Variants in CYRIB observed in about 807,000 individuals in gnomAD.
CYRIB encodes the protein CYFIP related Rac1 interactor B, also known as CYFIP-related Rac1 interactor B.
In CYRIB, 8 loss-of-function variants were observed where a neutral mutation model predicts 44.2. The ratio of observed to expected loss-of-function variants is 0.18; its 90% confidence interval spans 0.11 to 0.33. The LOEUF (loss-of-function observed/expected upper bound fraction) is 0.33. Among genes scored for constraint, CYRIB ranks in the 10% least tolerant of loss-of-function variants. The probability of loss-of-function intolerance (pLI) is 1.00; values close to 1 mark genes in which losing one functional copy is unlikely to be tolerated. For missense variants in CYRIB, 185 were observed against 382.8 expected, an observed-to-expected ratio of 0.48 and a Z score of 4.31; for synonymous variants, 131 against 127.2, an observed-to-expected ratio of 1.03 and a Z score of -0.20.
At chr8:130,000,882 A>AT (rs1280245495) in intron 1 of CYRIB, among the ~76,000 whole-genome samples, 1 of 152,086 alleles carries the variant, frequency 6.6e-6, no homozygotes, top group Non-Finnish European at 1.5e-5. Flanking sequence ...AGAAAAAAAA[A>AT]ATCTAATAAT....
chr8:129,939,004 T>C (rs2093307508), intron 1 of CYRIB, among the ~76,000 whole-genome samples: 1 of 152,214 alleles, frequency 6.6e-6, no homozygotes, highest in African/African-American at 2.4e-5. Flanking sequence ...TAAACGCTGA[T>C]CATTAATTAA....
At chr8:129,892,826 C>T (rs922925475) in intron 2 of CYRIB, among the ~76,000 whole-genome samples, 1 of 152,094 alleles carries the variant, frequency 6.6e-6, no homozygotes, top group African/African-American at 2.4e-5. Flanking sequence ...ATAATGCTAT[C>T]GGCAAACTGT....
At chr8:129,992,520 T>A (rs2096663667) in intron 1 of CYRIB, among the ~76,000 whole-genome samples, 1 of 152,080 alleles carries the variant, frequency 6.6e-6, no homozygotes. Context: ...ACGAACACTG[T>A]GAGGCACTGT....
intron 2 of CYRIB, among the ~76,000 whole-genome samples, chr8:129,958,239 T>C (rs2094990707): frequency 6.6e-6 from 1 of 151,908 alleles, no homozygotes; most frequent in Admixed American, 6.6e-5. Flanking sequence ...GGGGGACCTA[T>C]GAAGAAAAAA....
intron 1 of CYRIB, among the ~76,000 whole-genome samples, chr8:129,977,466 AC>A (rs1277343658): frequency 6.6e-6 from 1 of 152,124 alleles, no homozygotes. Flanking sequence ...ATAATAAGGT[AC>A]AAAATGATCA....
At chr8:129,849,146 G>GT in intron 10 of CYRIB, 97 bp downstream of exon 12, 2 of 1,175,004 alleles carry the variant, frequency 1.7e-6, no homozygotes, top group Non-Finnish European at 2.3e-6. Context: ...TCTGAGTTTT[G>GT]TGAGAGTCCG....
intron 2 of CYRIB, among the ~76,000 whole-genome samples, chr8:129,898,070 T>A (rs1195949626): frequency 7.5e-6 from 1 of 133,490 alleles, no homozygotes; most frequent in African/African-American, 2.8e-5. Flanking sequence ...GGCCCCAATC[T>A]AAAAATTTTT....
intron 2 of CYRIB, among the ~76,000 whole-genome samples, chr8:129,888,534 T>G (rs1358321077): frequency 6.6e-6 from 1 of 152,200 alleles, no homozygotes; most frequent in African/African-American, 2.4e-5. Context: ...CAGTTTCTGC[T>G]GCTCAGTAAG....
At chr8:129,961,824 G>C (rs1210639745) in intron 2 of CYRIB, among the ~76,000 whole-genome samples, 2 of 152,220 alleles carry the variant, frequency 1.3e-5, no homozygotes, top group African/African-American at 4.8e-5. Flanking sequence ...GGCAATGCAA[G>C]GGGCTTCTGA....
intron 1 of CYRIB, among the ~76,000 whole-genome samples, chr8:129,990,215 T>TA (rs1214481694): frequency 6.6e-6 from 1 of 152,188 alleles, no homozygotes; most frequent in Non-Finnish European, 1.5e-5. Flanking sequence ...TGAATATACA[T>TA]ATATGTATAT....
intron 1 of CYRIB, among the ~76,000 whole-genome samples, chr8:130,001,934 C>T (rs554023400): frequency 2.0e-4 from 31 of 152,246 alleles, no homozygotes; most frequent in African/African-American, 7.0e-4. Flanking sequence ...ATTTATAAAA[C>T]GGCAACAATA....
At chr8:129,965,568 G>T (rs1029611470) in intron 2 of CYRIB, among the ~76,000 whole-genome samples, 13 of 151,976 alleles carry the variant, frequency 8.6e-5, no homozygotes, top group Non-Finnish European at 1.3e-4. Flanking sequence ...AGGCCGAGGC[G>T]GGCGGATCAC....
intron 1 of CYRIB, among the ~76,000 whole-genome samples, chr8:129,977,708 AT>A (rs1253564853): frequency 3.3e-5 from 5 of 151,654 alleles, no homozygotes. Context: ...ATTTTTTTGT[AT>A]TTTTAGTAGA....
rs201648163 is a variant in CYRIB, at chr8:129,990,293, G to A, written c.-295-19298C>T. 3.9e-5 allele frequency among the ~76,000 whole-genome samples: 6 copies of A among 152,194 alleles called. No individual in the cohort carries two copies. The East Asian group carries it at 7.7e-4, about 20-fold the overall frequency. ...AGCATATAGTTGGCATTCAATAAAC[G>A]CTTGTTTTATGTAGTCTTAACACAC... On this transcript the variant is annotated intron_variant, in intron 1 of 14. Coordinates refer to the CYRIB transcript ENST00000401979.
At chr8:129,912,214 CTCCAAATT>C (rs2078403003) in intron 1 of CYRIB, 3 of 152,026 alleles carry the variant, frequency 2.0e-5, no homozygotes, top group Admixed American at 1.3e-4. Flanking sequence ...TATATACACG[CTCCAAATT>C]TACCCCAGGT....
At chr8:129,995,842 T>C (rs190634445) in intron 1 of CYRIB, among the ~76,000 whole-genome samples, 6 of 152,330 alleles carry the variant, frequency 3.9e-5, no homozygotes, top group East Asian at 3.8e-4. Context: ...TAGGTCCTTT[T>C]AGGAAGGGCT....
At chr8:129,873,527 T>A (rs551529632) in intron 3 of CYRIB, among the ~76,000 whole-genome samples, 44 of 152,146 alleles carry the variant, frequency 2.9e-4, no homozygotes, top group African/African-American at 1.0e-3. Context: ...AGTCTTACAC[T>A]TTTTCATATG....
rs999768474 is a variant in CYRIB, at chr8:129,875,582, T to C, written c.73+3807A>G. ...ATTTTATGGAGCAATTTTGGGCTTA[T>C]ATTTTAACTGAACTATTATTAAATA... On this transcript the variant is annotated intron_variant, in intron 3 of 11. Coordinates refer to ENST00000519824, the Ensembl canonical transcript of CYRIB. Among the ~76,000 whole-genome samples the C allele has an allele frequency of 2.0e-5, 3 of 152,184 alleles. No individual in the cohort carries two copies. In the South Asian group the frequency reaches 6.2e-4, roughly 31 times the overall value.
At chr8:129,914,811 T>G (rs2079869043) in intron 1 of CYRIB, among the ~76,000 whole-genome samples, 1 of 152,202 alleles carries the variant, frequency 6.6e-6, no homozygotes, top group Admixed American at 6.5e-5. Context: ...ATTTTTACAT[T>G]CCACAGCACA....
Sources: allele counts gnomAD v4.1 joint callset (sites outside exome capture counted in the v4.1 genomes callset), GRCh38; gene constraint gnomAD v4.1.1; transcripts MANE v1.5; gene names NCBI Gene and HGNC (gene_info 2026-07-23, HGNC 2026-07-21).